The following PPIG variants were observed in gnomAD, a reference collection of about 807,000 sequenced individuals.
The protein encoded by PPIG is peptidyl-prolyl cis-trans isomerase G.
PPIG carries 26 observed loss-of-function variants against 87.9 expected under a neutral mutation model. The ratio of observed to expected loss-of-function variants is 0.30; its 90% CI spans 0.22 to 0.41. PPIG has a LOEUF of 0.41. Among genes scored for constraint, PPIG ranks in the 10% least tolerant of loss-of-function variants. PPIG has a pLI of 1.00. For synonymous variants in PPIG, 308 were observed against 276.5 expected (o/e 1.11, Z -1.13); for missense variants, 722 against 879.4 (o/e 0.82, Z 2.26).
chr2:169,614,459 A>G lies in PPIG; in HGVS notation c.378-5A>G, dbSNP rs1441959777. 4 of 1,554,720 alleles carry G rather than the reference A, an allele frequency of 2.6e-6. No homozygotes were observed. The highest frequency in any genetic ancestry group is 1.4e-5 in the African/African-American group (1 of 72,814). Reference sequence around the variant, plus strand: ...TTTATTCTTCTATCTGATGATTTCCAAAAGAACAACGAAACCAACTCCTCA... The same window carrying G: ...TTTATTCTTCTATCTGATGATTTCCGAAAGAACAACGAAACCAACTCCTCA... On this transcript the variant is annotated splice_region_variant and splice_polypyrimidine_tract_variant and intron_variant, in intron 7 of 13. Coordinates refer to ENST00000260970, the MANE Select transcript of PPIG (RefSeq NM_004792.3).
At chr2:169,609,579 C>A (rs1263174194) in intron 7 of PPIG, among the ~76,000 whole-genome samples, 1 of 152,106 alleles carries the variant, frequency 6.6e-6, no homozygotes, top group Non-Finnish European at 1.5e-5. Flanking sequence ...TTAAAGGTTT[C>A]CCACTAGCCA....
chr2:169,591,781 A>AT (rs35299903), intron 1 of PPIG, among the ~76,000 whole-genome samples: 116,347 of 149,430 alleles, frequency 0.78, 45,548 homozygotes, highest in African/African-American at 0.87. Context: ...ACATATTGTG[A>AT]TTTTTTTTTT....
chr2:169,618,876 G>C (rs1332826050), intron 9 of PPIG, among the ~76,000 whole-genome samples: 1 of 149,436 alleles, frequency 6.7e-6, no homozygotes, highest in Non-Finnish European at 1.5e-5. Context: ...CTTCGGTTCT[G>C]CTCTGATCTT....
At chr2:169,635,162 CTT>C (rs1223600068) in intron 12 of PPIG, among the ~76,000 whole-genome samples, 1 of 152,014 alleles carries the variant, frequency 6.6e-6, no homozygotes, top group Non-Finnish European at 1.5e-5. Flanking sequence ...ACTGTCTGAT[CTT>C]TTTTTTAAAA....
intron 9 of PPIG, among the ~76,000 whole-genome samples, chr2:169,623,691 A>G (rs1376692020): frequency 2.6e-5 from 4 of 152,304 alleles, no homozygotes; most frequent in Middle Eastern, 3.4e-3. Context: ...TTCTGAAAGT[A>G]ATTTTGGCAC....
At chr2:169,622,024 C>G (rs897595960) in intron 9 of PPIG, among the ~76,000 whole-genome samples, 2 of 151,944 alleles carry the variant, frequency 1.3e-5, no homozygotes, top group African/African-American at 4.8e-5. Flanking sequence ...GAGTTGAAGG[C>G]TATAGCCTGG....
At chr2:169,602,718 T>C (rs1685218702) in intron 1 of PPIG, among the ~76,000 whole-genome samples, 1 of 152,224 alleles carries the variant, frequency 6.6e-6, no homozygotes, top group Non-Finnish European at 1.5e-5. Context: ...TTAAAATCCA[T>C]GCTAAAACTT....
rs1029781785 is a variant in PPIG, at chr2:169,632,646, C to T, written c.930-514C>T. Among the ~76,000 whole-genome samples, 20 of 151,894 alleles carry T rather than the reference C, an allele frequency of 1.3e-4. No individual in the cohort carries two copies. The South Asian group carries it at 1.7e-3, about 13-fold the overall frequency. ...GTCCCAGCTACTCAGGAGGCTGAGG[C>T]AGGAGAATGGCATAAGTAAACCTGG... On this transcript the variant is annotated intron_variant, in intron 11 of 13. Transcript: ENST00000260970.
Position 169,640,494 on chromosome 2 carries a change from C to T in PPIG, c.*2971C>T, listed in dbSNP as rs1038211941. 7.9e-5 allele frequency: 12 copies of T among 152,114 alleles called. No individual in the cohort carries two copies. Among genetic ancestry groups the T allele is most frequent in the Non-Finnish European group, 1.5e-4 (10 of 68,006 alleles). The allele number at this position is 152,114 out of a possible 1,614,324, so 9.4% of individuals were successfully genotyped here. ...CCAGTTGGTAATATAGTTTTCATCA[C>T]ACTAAACTTTTTATACTAAATTTCT... On this transcript the variant is annotated 3_prime_UTR_variant, in exon 14 of 14. Transcript: ENST00000260970.
intron 7 of PPIG, among the ~76,000 whole-genome samples, chr2:169,613,909 G>A (rs1332636810): frequency 6.6e-6 from 1 of 152,172 alleles, no homozygotes; most frequent in Non-Finnish European, 1.5e-5. Flanking sequence ...CTGGACAACA[G>A]CATGAGACCC....
At chr2:169,630,743 G>A in intron 9 of PPIG, 31 bp from the exon 10 acceptor site, 1 of 1,548,788 alleles carries the variant, frequency 6.5e-7, no homozygotes, top group Admixed American at 2.0e-5. Context: ...TCTAAAAATT[G>A]TTGATCAAAA....
At chr2:169,599,726 T>C (rs1418748691) in intron 1 of PPIG, among the ~76,000 whole-genome samples, 2 of 152,146 alleles carry the variant, frequency 1.3e-5, no homozygotes, top group Admixed American at 1.3e-4. Context: ...AAGGTTTTGG[T>C]TGTCACAGTG....
rs778235580 is a variant in PPIG at position 169,637,300 on chromosome 2, A to T, written c.2042A>T (p.Lys681Met). 1 of 1,605,452 alleles carries T rather than the reference A, an allele frequency of 6.2e-7. No individual in the cohort carries two copies. Among genetic ancestry groups the T allele is most frequent in the South Asian group, 1.1e-5 (1 of 88,652 alleles). Residue 681 changes from lysine to methionine, a missense_variant, in exon 14 of 14, where the codon AAG (lysine) becomes ATG (methionine). Around this residue, in one of 4 missense-constraint regions of PPIG, gnomAD observed 476 missense variants for 483.1 expected, o/e 0.99. Transcript: ENST00000260970. ...AGCTCAAATAACAGCAGGGAAAAAA[A>T]GGCTGATAGAGATCAAAGTCCCTTC... ...HNSSNNSREKKADRDQSPFSK... is the reference protein window; with the variant it reads ...HNSSNNSREKMADRDQSPFSK...
At chr2:169,611,090 C>G (rs1288636294) in intron 7 of PPIG, among the ~76,000 whole-genome samples, 1 of 152,142 alleles carries the variant, frequency 6.6e-6, no homozygotes, top group African/African-American at 2.4e-5. Flanking sequence ...CGCATGTAAT[C>G]CCAGCCACTC....
rs141218268 is a variant in PPIG at position 169,598,189 on chromosome 2, C to T, written c.-69-5453C>T. 3.3e-3 allele frequency among the ~76,000 whole-genome samples: 493 copies of T among 151,472 alleles called. 5 individuals carry two copies. The highest frequency in any genetic ancestry group is 0.011 in the African/African-American group (466 of 41,294). ...CTAATTTTTATATTTTCTGTAGAGA[C>T]GGTTTTGCCATGTTGCCCAGGCTGG... On this transcript the variant is annotated intron_variant, in intron 1 of 13. Transcript: ENST00000260970.
intron 7 of PPIG, 110 bp from the exon 8 acceptor site, chr2:169,614,354 T>C: frequency 1.9e-6 from 2 of 1,038,336 alleles, no homozygotes; most frequent in South Asian, 1.5e-5. Flanking sequence ...GTTGATGTCT[T>C]TGTTTTCAAC....
chr2:169,614,331 T>C, intron 7 of PPIG, 133 bp from the exon 8 acceptor site: 1 of 791,880 alleles, frequency 1.3e-6, no homozygotes, highest in Non-Finnish European at 2.1e-6. Context: ...AATATGATTA[T>C]ATTAAGATAG....
At chr2:169,591,880 A>C (rs1461972156) in intron 1 of PPIG, among the ~76,000 whole-genome samples, 1 of 151,424 alleles carries the variant, frequency 6.6e-6, no homozygotes, top group Non-Finnish European at 1.5e-5. Flanking sequence ...TACTACACTG[A>C]AAATTTTGAT....
chr2:169,619,435 C>T (rs1010192077), intron 9 of PPIG, among the ~76,000 whole-genome samples: 1 of 152,164 alleles, frequency 6.6e-6, no homozygotes, highest in African/African-American at 2.4e-5. Flanking sequence ...TGTTAATTTT[C>T]TGTCTCATTG....
Sources: gnomAD v4.1 joint callset for allele counts (sites outside exome capture counted in the v4.1 genomes callset) on GRCh38, gnomAD v4.1.1 for gene constraint, gnomAD v4.1.1 regional missense constraint, MANE v1.5 for transcripts, NCBI Gene and HGNC (gene_info 2026-07-23, HGNC 2026-07-21) for gene names.